Variants in SPAG16 observed in about 807,000 individuals in gnomAD.
SPAG16 encodes sperm-associated antigen 16 protein.
Under a neutral mutation model 80.4 loss-of-function variants are expected in SPAG16, and 86 were observed. That is an observed-to-expected ratio of 1.07 (90% CI 0.90 to 1.28). SPAG16 has a LOEUF of 1.28. SPAG16 is among the 50% of genes most tolerant of loss of function. The pLI is 0.00. For missense variants in SPAG16, 870 were observed against 765.3 expected (o/e 1.14, Z -1.61); for synonymous variants, 294 against 265.9 (o/e 1.11, Z -1.03).
intron 2 of SPAG16, 134 bp downstream of exon 2, chr2:213,296,244 G>T: frequency 1.7e-6 from 1 of 586,592 alleles, no homozygotes. Context: ...ACTGAATTTA[G>T]CTAGTATCAG....
chr2:213,417,172 G>C (rs1011451976), intron 9 of SPAG16, among the ~76,000 whole-genome samples: 4 of 152,118 alleles, frequency 2.6e-5, no homozygotes, highest in African/African-American at 9.7e-5. Flanking sequence ...CAGGAGGTCA[G>C]AGGTCAAGCA....
intron 9 of SPAG16, among the ~76,000 whole-genome samples, chr2:213,432,062 A>G (rs948751554): frequency 1.3e-5 from 2 of 152,244 alleles, no homozygotes; most frequent in African/African-American, 4.8e-5. Context: ...TGAAAACACA[A>G]CATATCAAAA....
intron 10 of SPAG16, among the ~76,000 whole-genome samples, chr2:213,508,499 G>A (rs920546184): frequency 1.2e-4 from 19 of 152,306 alleles, no homozygotes; most frequent in African/African-American, 3.4e-4. Context: ...GTGAACCCGG[G>A]AAGCGGAGCT....
intron 12 of SPAG16, among the ~76,000 whole-genome samples, chr2:213,933,304 A>G (rs1473407965): frequency 6.6e-6 from 1 of 152,234 alleles, no homozygotes; most frequent in Non-Finnish European, 1.5e-5. Context: ...TTATAGATCT[A>G]AGACAATTCT....
At chr2:214,378,633 C>T (rs2126102702) in intron 15 of SPAG16, among the ~76,000 whole-genome samples, 1 of 152,298 alleles carries the variant, frequency 6.6e-6, no homozygotes, top group South Asian at 2.1e-4. Flanking sequence ...GGAGCTCCCC[C>T]TAAGGGCTAC....
chr2:214,124,548 ATTGTTT>A (rs777186350), intron 14 of SPAG16, among the ~76,000 whole-genome samples: 4 of 151,884 alleles, frequency 2.6e-5, no homozygotes, highest in Non-Finnish European at 5.9e-5. Context: ...TGCATGAAAC[ATTGTTT>A]TTGAAGCACA....
At chr2:213,461,709 T>TA (rs890532839) in intron 9 of SPAG16, among the ~76,000 whole-genome samples, 5 of 152,054 alleles carry the variant, frequency 3.3e-5, no homozygotes, top group African/African-American at 7.2e-5. Context: ...AAGTGAAAGT[T>TA]AAAAAAAATG....
chr2:213,287,220 T>G (rs934346600), intron 1 of SPAG16, among the ~76,000 whole-genome samples: 4 of 152,214 alleles, frequency 2.6e-5, no homozygotes. Flanking sequence ...GATAGATATG[T>G]AAAGGGTCAA....
chr2:214,292,711 C>T (rs748717844), intron 15 of SPAG16, among the ~76,000 whole-genome samples: 3 of 152,086 alleles, frequency 2.0e-5, no homozygotes, highest in Non-Finnish European at 4.4e-5. Flanking sequence ...TGTCATATTT[C>T]CTTGCTTTTT....
chr2:213,382,849 A>G (rs2067241027), intron 9 of SPAG16, among the ~76,000 whole-genome samples: 1 of 152,174 alleles, frequency 6.6e-6, no homozygotes, highest in Non-Finnish European at 1.5e-5. Context: ...TTTGACAGAG[A>G]ATAGGGGAGT....
chr2:214,055,998 T>C (rs916615796), intron 13 of SPAG16, among the ~76,000 whole-genome samples: 1 of 152,182 alleles, frequency 6.6e-6, no homozygotes, highest in Non-Finnish European at 1.5e-5. Context: ...TAATTTAAAG[T>C]AATCAGTTCA....
chr2:214,218,197 T>A (rs867071606), intron 15 of SPAG16, among the ~76,000 whole-genome samples: 18 of 152,280 alleles, frequency 1.2e-4, no homozygotes, highest in African/African-American at 4.1e-4. Context: ...TCTTTTATGA[T>A]GTGTTGTTTT....
intron 11 of SPAG16, among the ~76,000 whole-genome samples, chr2:213,869,121 C>T (rs947763379): frequency 4.0e-5 from 6 of 150,964 alleles, no homozygotes; most frequent in African/African-American, 1.2e-4. Flanking sequence ...GGTGTAGTGA[C>T]AGGCACCTGT....
intron 1 of SPAG16, chr2:213,285,817 G>T: frequency 1.0e-6 from 1 of 994,588 alleles, no homozygotes; most frequent in Non-Finnish European, 1.4e-6. Flanking sequence ...TACTGTTTTC[G>T]TAGATGTAAC....
At chr2:213,795,762 A>G (rs988214570) in intron 10 of SPAG16, among the ~76,000 whole-genome samples, 3 of 152,106 alleles carry the variant, frequency 2.0e-5, no homozygotes, top group Non-Finnish European at 4.4e-5. Context: ...AGTGTGTAGC[A>G]TCTTTCCCCT....
At chr2:213,865,081 C>T (rs2075634009) in intron 11 of SPAG16, among the ~76,000 whole-genome samples, 1 of 151,960 alleles carries the variant, frequency 6.6e-6, no homozygotes, top group South Asian at 2.1e-4. Context: ...AACTTTTAAT[C>T]TGTCAAGTAA....
chr2:213,657,929 T>C (rs1371038106), intron 10 of SPAG16, among the ~76,000 whole-genome samples: 2 of 152,224 alleles, frequency 1.3e-5, no homozygotes, highest in African/African-American at 4.8e-5. Context: ...ATAATTGTTT[T>C]TTCAAATGCA....
At chr2:214,349,599 G>A (rs1698272235) in intron 15 of SPAG16, among the ~76,000 whole-genome samples, 1 of 152,126 alleles carries the variant, frequency 6.6e-6, no homozygotes, top group Non-Finnish European at 1.5e-5. Flanking sequence ...TAAATGCATG[G>A]AATTGATATA....
At chr2:213,895,893 A>C (rs115901508) in intron 11 of SPAG16, among the ~76,000 whole-genome samples, 1 of 152,156 alleles carries the variant, frequency 6.6e-6, no homozygotes, top group Non-Finnish European at 1.5e-5. Flanking sequence ...TTCATACTGT[A>C]AAAGCACAGG....
Sources: gnomAD v4.1 joint callset for allele counts (sites outside exome capture counted in the v4.1 genomes callset) on GRCh38, gnomAD v4.1.1 for gene constraint, MANE v1.5 for transcripts, NCBI Gene and HGNC (gene_info 2026-07-23, HGNC 2026-07-21) for gene names.